Variants in GRIA3 observed in about 807,000 individuals in gnomAD.
GRIA3 encodes glutamate ionotropic receptor AMPA type subunit 3.
In GRIA3, 3 loss-of-function variants were observed where a neutral mutation model predicts 63.0. The observed-to-expected ratio is 0.05, with a 90% confidence interval of 0.02 to 0.12. The LOEUF (loss-of-function observed/expected upper bound fraction) is 0.12, where lower values mean the gene tolerates loss of function less well. GRIA3 is among the 10% of genes least tolerant of loss of function. The pLI is 1.00. For synonymous variants in GRIA3, 274 were observed against 257.9 expected (o/e 1.06, Z -0.60); for missense variants, 347 against 700.9 (o/e 0.50, Z 5.70).
intron 12 of GRIA3, among the ~76,000 whole-genome samples, chrX:123,435,985 A>C (rs181140156): frequency 3.6e-4 from 40 of 111,672 alleles, no homozygotes; most frequent in African/African-American, 1.3e-3. Flanking sequence ...ACAAGTCCCA[A>C]GAAACATTAG....
intron 4 of GRIA3, among the ~76,000 whole-genome samples, chrX:123,351,265 C>T (rs886588772): frequency 1.8e-5 from 2 of 111,379 alleles, no homozygotes; most frequent in East Asian, 5.7e-4. Flanking sequence ...CATTATGCAT[C>T]GCACTAAGTA....
intron 2 of GRIA3, among the ~76,000 whole-genome samples, chrX:123,218,992 A>G (rs1034310418): frequency 9.0e-6 from 1 of 111,632 alleles, no homozygotes; most frequent in Non-Finnish European, 1.9e-5. Flanking sequence ...TAACATTTTA[A>G]GCTTGTACTA....
chrX:123,451,001 GAAGT>G (rs1159834822), intron 12 of GRIA3, among the ~76,000 whole-genome samples: 27 of 112,201 alleles, frequency 2.4e-4, no homozygotes, highest in African/African-American at 5.8e-4. Context: ...GTGCTAGAGT[GAAGT>G]AAGTGAGGGA....
chrX:123,431,626 C>G (rs1165760411), intron 12 of GRIA3, among the ~76,000 whole-genome samples: 2 of 112,219 alleles, frequency 1.8e-5, no homozygotes, highest in Non-Finnish European at 3.8e-5. Context: ...ATTTGGAAAG[C>G]TGCACTGAAA....
chrX:123,458,235 G>A (rs1220055450), intron 12 of GRIA3, among the ~76,000 whole-genome samples: 1 of 108,694 alleles, frequency 9.2e-6, no homozygotes, highest in Non-Finnish European at 1.9e-5. Flanking sequence ...CCCGTGGTGC[G>A]GTGACAAAAA....
intron 2 of GRIA3, among the ~76,000 whole-genome samples, chrX:123,245,146 G>C (rs1475636892): frequency 8.9e-6 from 1 of 112,387 alleles, no homozygotes; most frequent in Non-Finnish European, 1.9e-5. Flanking sequence ...AGGGAAATGA[G>C]GGAGAGAACA....
chrX:123,369,500 T>C (rs1158856359), intron 5 of GRIA3, among the ~76,000 whole-genome samples: 2 of 112,246 alleles, frequency 1.8e-5, no homozygotes, highest in African/African-American at 3.2e-5. Context: ...TTAGTGTCTT[T>C]GCTGAGATGA....
intron 2 of GRIA3, among the ~76,000 whole-genome samples, chrX:123,221,281 A>G (rs1480877018): frequency 8.9e-6 from 1 of 112,195 alleles, no homozygotes; most frequent in Admixed American, 9.4e-5. Context: ...GGTAAGGATT[A>G]TTACCCTGGA....
At chrX:123,213,069 G>A (rs1928077639) in intron 2 of GRIA3, among the ~76,000 whole-genome samples, 1 of 111,819 alleles carries the variant, frequency 8.9e-6, no homozygotes, top group Admixed American at 9.5e-5. Context: ...AACTGTGCAT[G>A]TGAGGGATCT....
rs560154980 is a variant in GRIA3 at position 123,428,970 on chromosome X, C to T, written c.2076+831C>T. Reference sequence around the variant, plus strand: ...AAGAACTAAAATGTTTTTTCAGTTACCCCAACAAGAAAAATATGCTAATTT... The same window carrying T: ...AAGAACTAAAATGTTTTTTCAGTTATCCCAACAAGAAAAATATGCTAATTT... On this transcript the variant is annotated intron_variant, in intron 12 of 15. Coordinates refer to ENST00000620443, the MANE Select transcript of GRIA3 (RefSeq NM_007325.5). 6.2e-4 allele frequency among the ~76,000 whole-genome samples: 69 copies of T among 111,351 alleles called. 1 individual carries two copies. The South Asian group carries it at 0.026, about 43-fold the overall frequency.
intron 2 of GRIA3, among the ~76,000 whole-genome samples, chrX:123,192,921 C>T (rs1927478184): frequency 9.0e-6 from 1 of 110,609 alleles, no homozygotes; most frequent in Non-Finnish European, 1.9e-5. Context: ...CCAGGTGATG[C>T]CAATGCTTCT....
intron 12 of GRIA3, among the ~76,000 whole-genome samples, chrX:123,453,602 G>A (rs2045746312): frequency 9.4e-6 from 1 of 106,714 alleles, no homozygotes; most frequent in Admixed American, 9.9e-5. Context: ...AAGGTACATA[G>A]CAAAGTCAGG....
At chrX:123,421,289 A>T (rs1045756959) in intron 11 of GRIA3, among the ~76,000 whole-genome samples, 2 of 112,158 alleles carry the variant, frequency 1.8e-5, no homozygotes, top group Admixed American at 1.9e-4. Flanking sequence ...GCTTCTTAGC[A>T]TATTTCTGAT....
intron 15 of GRIA3, among the ~76,000 whole-genome samples, chrX:123,486,376 T>C (rs1350767998): frequency 2.7e-5 from 3 of 111,948 alleles, no homozygotes. Flanking sequence ...TTCAGGCTAC[T>C]TGAGGCAACA....
chrX:123,244,836 G>A (rs767614313), intron 2 of GRIA3, among the ~76,000 whole-genome samples: 28 of 112,471 alleles, frequency 2.5e-4, no homozygotes, highest in Non-Finnish European at 4.7e-4. Context: ...GAAAAACCCT[G>A]AACTGACCCA....
rs541618129 is a variant in GRIA3 at position 123,337,417 on chromosome X, T to C, written c.696+11204T>C. ...CAGAAATCATAGCTCTAGGTATAAC[T>C]GGATAATTAGTGGGGACAGAGAAAG... On this transcript the variant is annotated intron_variant, in intron 4 of 15. Coordinates refer to ENST00000620443, the MANE Select transcript of GRIA3 (RefSeq NM_007325.5). 1.2e-3 allele frequency among the ~76,000 whole-genome samples: 134 copies of C among 111,993 alleles called. 1 individual carries two copies. The highest frequency in any genetic ancestry group is 4.6e-3 in the Middle Eastern group (1 of 217).
intron 12 of GRIA3, among the ~76,000 whole-genome samples, chrX:123,445,292 C>A (rs2045697413): frequency 9.0e-6 from 1 of 111,717 alleles, no homozygotes; most frequent in African/African-American, 3.3e-5. Flanking sequence ...TCTGCCCTTC[C>A]CCTCCCTGGA....
Position 123,297,675 on chromosome X carries a change from G to A in GRIA3, c.509-28351G>A, listed in dbSNP as rs748306506. 9.9e-5 allele frequency among the ~76,000 whole-genome samples: 11 copies of A among 111,605 alleles called. No individual in the cohort carries two copies. In the South Asian group the frequency reaches 4.1e-3, roughly 41 times the overall value. The stretch of plus-strand genomic sequence containing the variant: ...CTCTAAAGTAAAATGGTCTGAGTTT[G>A]AATCCTACCTTTGCTACTTACTAGC... On this transcript the variant is annotated intron_variant, in intron 3 of 15. Transcript: ENST00000620443.
intron 5 of GRIA3, among the ~76,000 whole-genome samples, chrX:123,377,188 G>A (rs1162181893): frequency 3.6e-5 from 4 of 110,702 alleles, no homozygotes; most frequent in East Asian, 5.7e-4. Context: ...CGCCCGCCTC[G>A]GCCTCCCAAA....
Sources: gnomAD v4.1 joint callset for allele counts (sites outside exome capture counted in the v4.1 genomes callset) on GRCh38, gnomAD v4.1.1 for gene constraint, MANE v1.5 for transcripts, NCBI Gene and HGNC (gene_info 2026-07-23, HGNC 2026-07-21) for gene names.